SLC39A11: variants seen among roughly 807,000 people sequenced by gnomAD.
SLC39A11 encodes solute carrier family 39 member 11.
Under a neutral mutation model 36.1 loss-of-function variants are expected in SLC39A11, and 33 were observed. The observed-to-expected ratio is 0.91, with a 90% CI of 0.69 to 1.22. The LOEUF is 1.22. Ranked by LOEUF, SLC39A11 falls within the 50% of genes most tolerant of loss-of-function variation. The pLI, the probability that SLC39A11 is intolerant of heterozygous loss-of-function variation, is 0.00. For missense variants in SLC39A11, 432 were observed against 430.3 expected (o/e 1.00, Z -0.03); for synonymous variants, 166 against 170.3 (o/e 0.97, Z 0.20).
chr17:72,789,501 G>A (rs375447578), intron 6 of SLC39A11, among the ~76,000 whole-genome samples: 7 of 152,144 alleles, frequency 4.6e-5, no homozygotes, highest in African/African-American at 9.7e-5. Context: ...GTAAACTGTC[G>A]CCCAGGTAAG....
chr17:73,060,087 T>A (rs1020685449), intron 3 of SLC39A11, among the ~76,000 whole-genome samples: 8 of 151,508 alleles, frequency 5.3e-5, no homozygotes, highest in African/African-American at 1.9e-4. Context: ...TGGGTGCCTG[T>A]AATCCCAGCT....
chr17:72,677,562 G>A (rs1269036754), intron 7 of SLC39A11, among the ~76,000 whole-genome samples: 1 of 142,846 alleles, frequency 7.0e-6, no homozygotes, highest in Non-Finnish European at 1.5e-5. Flanking sequence ...TAAATGGCAT[G>A]TTTTTAACAT....
rs530690852 is a variant in SLC39A11 at position 72,842,755 on chromosome 17, C to G, written c.601+6879G>C. Among the ~76,000 whole-genome samples, 8 of 152,244 alleles carry G rather than the reference C, an allele frequency of 5.3e-5. No homozygotes were observed. In the South Asian group the frequency reaches 1.7e-3, roughly 32 times the overall value. Reference sequence around the variant, plus strand: ...CCCTAGACCACCCCCACAGATGCACCCAGGCAGGCGCCACGGAAGTAGCTT... The same window carrying G: ...CCCTAGACCACCCCCACAGATGCACGCAGGCAGGCGCCACGGAAGTAGCTT... On this transcript the variant is annotated intron_variant, in intron 6 of 9. Transcript: ENST00000255559.
chr17:72,767,552 C>T (rs2075798047), intron 6 of SLC39A11, among the ~76,000 whole-genome samples: 1 of 152,214 alleles, frequency 6.6e-6, no homozygotes, highest in African/African-American at 2.4e-5. Flanking sequence ...AAGAAAAATA[C>T]TGCAGAGCTG....
intron 7 of SLC39A11, among the ~76,000 whole-genome samples, chr17:72,665,866 A>C (rs1485745624): frequency 1.3e-5 from 2 of 151,252 alleles, no homozygotes; most frequent in Admixed American, 1.3e-4. Flanking sequence ...TAAGGTATTA[A>C]TTGTTTATGT....
rs2466528 is a variant in SLC39A11, at chr17:72,925,752, G to A, written c.430+22000C>T. Among the ~76,000 whole-genome samples, 514 of 152,278 alleles carry A rather than the reference G, an allele frequency of 3.4e-3. 5 individuals carry two copies. Among genetic ancestry groups the A allele is most frequent in the African/African-American group, 0.011 (469 of 41,544 alleles). On this transcript the variant is annotated intron_variant, in intron 5 of 9. Transcript: ENST00000255559. ...CATCCAAGCAGAATTCTTCAAGGAC[G>A]TCATGAGTTTCCACCAATTCTCTAA... is the stretch of plus-strand genomic sequence containing the variant.
intron 5 of SLC39A11, among the ~76,000 whole-genome samples, chr17:72,915,955 A>T (rs969242765): frequency 6.6e-6 from 1 of 152,236 alleles, no homozygotes; most frequent in African/African-American, 2.4e-5. Context: ...ATCTACTGAA[A>T]CACACATCCA....
chr17:72,969,003 C>A (rs970304530), intron 4 of SLC39A11, among the ~76,000 whole-genome samples: 5 of 152,008 alleles, frequency 3.3e-5, no homozygotes, highest in African/African-American at 9.7e-5. Flanking sequence ...CCATGGGAAG[C>A]CAATGCCATC....
At chr17:73,077,821 C>A (rs1202650706) in intron 3 of SLC39A11, among the ~76,000 whole-genome samples, 1 of 152,106 alleles carries the variant, frequency 6.6e-6, no homozygotes, top group Non-Finnish European at 1.5e-5. Context: ...TTTTCATGCT[C>A]CCAAATTCAT....
intron 5 of SLC39A11, among the ~76,000 whole-genome samples, chr17:72,868,645 A>AT (rs2080442825): frequency 6.7e-6 from 1 of 149,862 alleles, no homozygotes; most frequent in Non-Finnish European, 1.5e-5. Context: ...AAAAAAAAAA[A>AT]AAAAGAAAGA....
intron 7 of SLC39A11, among the ~76,000 whole-genome samples, chr17:72,670,589 G>A (rs2070982660): frequency 6.6e-6 from 1 of 151,950 alleles, no homozygotes; most frequent in Non-Finnish European, 1.5e-5. Flanking sequence ...TTATTTATTT[G>A]TAGCAATATG....
At chr17:73,029,622 C>T (rs1013751395) in intron 4 of SLC39A11, among the ~76,000 whole-genome samples, 18 of 151,628 alleles carry the variant, frequency 1.2e-4, no homozygotes, top group Non-Finnish European at 2.4e-4. Context: ...TGCTCTGTTA[C>T]CTAGGCAGGA....
intron 4 of SLC39A11, among the ~76,000 whole-genome samples, chr17:73,003,185 T>C (rs567359914): frequency 1.2e-4 from 19 of 152,370 alleles, no homozygotes; most frequent in African/African-American, 3.4e-4. Flanking sequence ...ACACAGGTTG[T>C]TGAAATTTGA....
intron 6 of SLC39A11, among the ~76,000 whole-genome samples, chr17:72,741,419 T>C (rs1307801311): frequency 3.3e-5 from 5 of 152,176 alleles, no homozygotes; most frequent in African/African-American, 9.7e-5. Flanking sequence ...GGTATAATTT[T>C]TGATAAATTT....
rs559837670 is a variant in SLC39A11 at position 72,794,052 on chromosome 17, G to T, written c.601+55582C>A. 1.5e-3 allele frequency among the ~76,000 whole-genome samples: 233 copies of T among 152,296 alleles called. 1 individual carries two copies. Among genetic ancestry groups the T allele is most frequent in the South Asian group, 5.4e-3 (26 of 4,828 alleles). Reference sequence around the variant, plus strand: ...GCCTTCAAAATCTAGGCCATTGTTAGCATCAGGCTCTGCCTGAGGTTTGTG... The same window carrying T: ...GCCTTCAAAATCTAGGCCATTGTTATCATCAGGCTCTGCCTGAGGTTTGTG... On this transcript the variant is annotated intron_variant, in intron 6 of 9. Transcript: ENST00000255559.
intron 5 of SLC39A11, among the ~76,000 whole-genome samples, chr17:72,901,224 C>T (rs1015580504): frequency 1.3e-5 from 2 of 152,184 alleles, no homozygotes; most frequent in East Asian, 1.9e-4. Flanking sequence ...GGAGCTGGAG[C>T]GCATGGGAAG....
rs539514122 is a variant in SLC39A11 at position 72,832,361 on chromosome 17, C to A, written c.601+17273G>T. On this transcript the variant is annotated intron_variant, in intron 6 of 9. Transcript: ENST00000255559. ...CATACTGATTTTGCAGACTTCTACC[C>A]CCTCGAATATTCTGTGGAGAACAAC... Among the ~76,000 whole-genome samples, 5 of 152,322 alleles carry A rather than the reference C, an allele frequency of 3.3e-5. No individual in the cohort carries two copies. In the South Asian group the frequency reaches 8.3e-4, roughly 25 times the overall value.
chr17:72,909,052 G>T (rs966341091), intron 5 of SLC39A11, among the ~76,000 whole-genome samples: 2 of 152,204 alleles, frequency 1.3e-5, no homozygotes, highest in Non-Finnish European at 2.9e-5. Context: ...TAATCTCAGA[G>T]AACCGTTTCC....
intron 6 of SLC39A11, 139 bp from the exon 7 acceptor site, chr17:72,736,858 G>T: frequency 1.4e-6 from 1 of 718,818 alleles, no homozygotes. Flanking sequence ...CTTAAACCCA[G>T]GGAAACTAAG....
Sources: gnomAD v4.1 joint callset for allele counts (sites outside exome capture counted in the v4.1 genomes callset) on GRCh38, gnomAD v4.1.1 for gene constraint, MANE v1.5 for transcripts, NCBI Gene and HGNC (gene_info 2026-07-23, HGNC 2026-07-21) for gene names.